STAB2: variants seen among roughly 807,000 people sequenced by gnomAD.
The protein encoded by STAB2 is stabilin 2.
In STAB2, 288 loss-of-function variants were observed where a neutral mutation model predicts 338.1. The observed-to-expected ratio is 0.85, with a 90% CI of 0.77 to 0.94. STAB2 has a LOEUF of 0.94. Ranked by LOEUF, STAB2 falls within the 40% of genes least tolerant of loss-of-function variation. The pLI is 0.00. For synonymous variants in STAB2, 1,202 were observed against 1,193.3 expected (o/e 1.01, Z -0.15); for missense variants, 3,141 against 3,210.1 (o/e 0.98, Z 0.52).
rs775299846 is a variant in STAB2, at chr12:103,711,532, C to T, written c.4334+16C>T. ...CCAGCGCCAAGTAGGTAGCCCTGGGCCACCTCTGGGGACAGTGTAAAGGGG... is the reference window on the plus strand; with the variant it reads ...CCAGCGCCAAGTAGGTAGCCCTGGGTCACCTCTGGGGACAGTGTAAAGGGG... On this transcript the variant is annotated intron_variant, in intron 40 of 68. Transcript: ENST00000388887. The T allele has an allele frequency of 2.5e-6, 4 of 1,613,988 alleles. No individual in the cohort carries two copies. In the South Asian group the frequency reaches 4.4e-5, roughly 18 times the overall value.
chr12:103,673,696 C>T (rs1444463241), intron 22 of STAB2, among the ~76,000 whole-genome samples: 1 of 152,200 alleles, frequency 6.6e-6, no homozygotes, highest in Admixed American at 6.5e-5. Flanking sequence ...GTGGGACAAG[C>T]AAGCTCTCCA....
At chr12:103,742,577 G>C in intron 56 of STAB2, 23 bp downstream of exon 56, 1 of 1,613,748 alleles carries the variant, frequency 6.2e-7, no homozygotes, top group Non-Finnish European at 8.5e-7. Flanking sequence ...GCTTCTCCGT[G>C]CTAGAGCTTG....
chr12:103,633,166 A>T (rs1351336426), intron 6 of STAB2, among the ~76,000 whole-genome samples: 2 of 151,860 alleles, frequency 1.3e-5, no homozygotes, highest in Non-Finnish European at 2.9e-5. Flanking sequence ...TGTGCAGTGG[A>T]CTCCTGGGCA....
intron 23 of STAB2, among the ~76,000 whole-genome samples, chr12:103,674,394 T>C (rs1038431003): frequency 6.6e-6 from 1 of 152,152 alleles, no homozygotes; most frequent in Non-Finnish European, 1.5e-5. Context: ...AGCAGGGCAG[T>C]TGTGGAGATT....
At position 103,742,468 on chromosome 12, in the gene STAB2, C is replaced by T. The variant is rs777380436; in HGVS notation, c.5945C>T (p.Ala1982Val). 2 of 1,614,020 alleles carry T rather than the reference C, an allele frequency of 1.2e-6. No individual in the cohort carries two copies. The highest frequency in any genetic ancestry group is 1.3e-5 in the African/African-American group (1 of 74,898). ...GGTGTCTGCCTTGATCAGTACTCGGCCACCGGAGAGTGTAAATGCAACACC... is the reference window on the plus strand; with the variant it reads ...GGTGTCTGCCTTGATCAGTACTCGGTCACCGGAGAGTGTAAATGCAACACC... ...NRGVCLDQYS[A>V]TGECKCNTGF... Residue 1982 changes from alanine to valine, a missense_variant, in exon 56 of 69, where the codon GCC (alanine) becomes GTC (valine). Ala to Val is a moderately conservative substitution (Grantham distance 64). Coordinates refer to ENST00000388887, the MANE Select transcript of STAB2 (RefSeq NM_017564.10).
In STAB2 at chr12:103,754,083, A is replaced by G. The variant is rs17034472; in HGVS notation, c.6714+730A>G. On this transcript the variant is annotated intron_variant, in intron 61 of 68. Transcript: ENST00000388887. ...CAGAGGAGATGAATGCCTAGTACGT[A>G]TGATTTTAAAGCCCCTTCTCCAACC... Among the ~76,000 whole-genome samples the G allele has an allele frequency of 9.9e-3, 1,508 of 152,246 alleles. 47 individuals carry two copies. Among genetic ancestry groups the G allele is most frequent in the East Asian group, 0.097 (499 of 5,160 alleles).
chr12:103,735,976 C>T (rs1593302581), intron 52 of STAB2, among the ~76,000 whole-genome samples: 1 of 152,144 alleles, frequency 6.6e-6, no homozygotes, highest in Non-Finnish European at 1.5e-5. Context: ...TCAGTCAGGG[C>T]CAGCTCTGGG....
chr12:103,690,919 G>A (rs562755211), intron 30 of STAB2, among the ~76,000 whole-genome samples: 3 of 152,306 alleles, frequency 2.0e-5, no homozygotes, highest in South Asian at 2.1e-4. Flanking sequence ...AATCTTTATA[G>A]AGTTGAGTCT....
At chr12:103,597,396 A>G (rs938614124) in intron 3 of STAB2, among the ~76,000 whole-genome samples, 28 of 152,200 alleles carry the variant, frequency 1.8e-4, no homozygotes, top group African/African-American at 6.3e-4. Flanking sequence ...GCATTGACAA[A>G]TACATTCATA....
Position 103,695,591 on chromosome 12 carries a change from CCTG to C in STAB2, c.3420_3422del (p.Leu1141del), listed in dbSNP as rs1393205281. On this transcript the variant is annotated inframe_deletion, in exon 32 of 69. Coordinates refer to ENST00000388887, the MANE Select transcript of STAB2 (RefSeq NM_017564.10). ...GACGTCTAACTGGCTCCTTACCAAA[CCTG>C]CTCATGCGGCTGGAACAGATGCCTG... is the stretch of plus-strand genomic sequence containing the variant. The C allele has an allele frequency of 1.2e-6, 2 of 1,614,192 alleles. No individual in the cohort carries two copies. Among genetic ancestry groups the C allele is most frequent in the Non-Finnish European group, 1.7e-6 (2 of 1,180,024 alleles).
intron 3 of STAB2, among the ~76,000 whole-genome samples, chr12:103,619,142 GC>G (rs1957258175): frequency 6.6e-6 from 1 of 152,154 alleles, no homozygotes; most frequent in Non-Finnish European, 1.5e-5. Flanking sequence ...TTTATTAGCA[GC>G]ATGAGAATGG....
At chr12:103,655,637 T>A in intron 15 of STAB2, 56 bp downstream of exon 15, 2 of 1,592,176 alleles carry the variant, frequency 1.3e-6, no homozygotes, top group East Asian at 2.2e-5. Context: ...CCTCAGTCTG[T>A]GTCTAAACAG....
chr12:103,735,431 C>T lies in STAB2; in HGVS notation c.5461-60C>T, dbSNP rs979614151. 4.8e-5 allele frequency: 62 copies of T among 1,298,980 alleles called. 1 individual carries two copies. The highest frequency in any genetic ancestry group is 4.8e-4 in the African/African-American group (32 of 67,170). 80.5% of individuals were successfully genotyped at this position (1,298,980 alleles called of 1,614,324 possible). ...ATTTGGTTTTTTGGTAAAGCTCCTT[C>T]GGGCCGTCCCTTCTTCGGCCCAAAT... On this transcript the variant is annotated intron_variant, in intron 51 of 68. Transcript: ENST00000388887.
At chr12:103,612,117 AT>A (rs1957133808) in intron 3 of STAB2, among the ~76,000 whole-genome samples, 1 of 151,906 alleles carries the variant, frequency 6.6e-6, no homozygotes, top group East Asian at 1.9e-4. Context: ...TGCCCTTAAC[AT>A]TTTTTCCTTC....
chr12:103,605,101 C>A (rs1349202743), intron 3 of STAB2, among the ~76,000 whole-genome samples: 1 of 151,796 alleles, frequency 6.6e-6, no homozygotes, highest in South Asian at 2.1e-4. Context: ...TCTTTGAAAT[C>A]GGTTACTTTT....
At chr12:103,665,551 G>A (rs1409690950) in intron 18 of STAB2, among the ~76,000 whole-genome samples, 1 of 152,158 alleles carries the variant, frequency 6.6e-6, no homozygotes, top group Non-Finnish European at 1.5e-5. Flanking sequence ...AGAGCAGGAA[G>A]CGTGGAAGAG....
intron 67 of STAB2, among the ~76,000 whole-genome samples, chr12:103,762,665 G>A (rs114234834): frequency 6.6e-6 from 1 of 152,320 alleles, no homozygotes; most frequent in African/African-American, 2.4e-5. Flanking sequence ...CTGAGCCTCT[G>A]TGCCAGGGGT....
chr12:103,766,142 C>A, intron 68 of STAB2, 144 bp from the exon 69 acceptor site: 1 of 1,116,680 alleles, frequency 9.0e-7, no homozygotes, highest in Non-Finnish European at 1.3e-6. Flanking sequence ...CAACACAAGG[C>A]AGCAGCACAA....
chr12:103,666,479 G>A lies in STAB2; in HGVS notation c.2085+126G>A, dbSNP rs534440112. 4.7e-4 allele frequency: 436 copies of A among 932,780 alleles called. 3 individuals carry two copies. The highest frequency in any genetic ancestry group is 2.4e-3 in the South Asian group (161 of 68,134). The allele number at this position is 932,780 out of a possible 1,614,324, so 57.8% of individuals were successfully genotyped here. A position where few individuals can be genotyped will look rare whatever the true frequency, so the allele number is the denominator to read the frequency against. ...AGCTGGGGTAATATAAGATGGGCTC[G>A]TAGCCTACTATATGGGGGATGGTAG... is the stretch of plus-strand genomic sequence containing the variant. On this transcript the variant is annotated intron_variant, in intron 19 of 68. Coordinates refer to ENST00000388887, the MANE Select transcript of STAB2 (RefSeq NM_017564.10).
Sources: allele counts gnomAD v4.1 joint callset (sites outside exome capture counted in the v4.1 genomes callset), GRCh38; gene constraint gnomAD v4.1.1; transcripts MANE v1.5; gene names NCBI Gene and HGNC (gene_info 2026-07-23, HGNC 2026-07-21).